The following ASTN1 variants were observed in gnomAD, a reference collection of about 807,000 sequenced individuals.
ASTN1 encodes astrotactin-1.
In ASTN1, 41 loss-of-function variants were observed where a neutral mutation model predicts 140.7. The observed-to-expected ratio is 0.29, with a 90% CI of 0.23 to 0.38. The LOEUF (loss-of-function observed/expected upper bound fraction) is 0.38. Among genes scored for constraint, ASTN1 ranks in the 10% least tolerant of loss-of-function variants. The pLI is 1.00. For synonymous variants in ASTN1, 640 were observed against 652.2 expected (o/e 0.98, Z 0.29); for missense variants, 1,479 against 1,678.8 (o/e 0.88, Z 2.08).
chr1:177,143,371 C>T (rs1484847212), intron 1 of ASTN1, among the ~76,000 whole-genome samples: 1 of 152,160 alleles, frequency 6.6e-6, no homozygotes, highest in Non-Finnish European at 1.5e-5. Context: ...ATAGGGAAGT[C>T]AGATTTGCTA....
At chr1:177,004,714 C>G (rs1674909810) in intron 8 of ASTN1, among the ~76,000 whole-genome samples, 1 of 151,976 alleles carries the variant, frequency 6.6e-6, no homozygotes, top group African/African-American at 2.4e-5. Flanking sequence ...CACACAAAAA[C>G]AAAAACCAAG....
intron 22 of ASTN1, among the ~76,000 whole-genome samples, chr1:176,865,153 GA>G (rs1402957858): frequency 6.6e-6 from 1 of 152,164 alleles, no homozygotes; most frequent in Non-Finnish European, 1.5e-5. Flanking sequence ...ACCTCCCTCA[GA>G]AAGTCAGGAG....
chr1:177,003,500 T>G (rs570709525), intron 8 of ASTN1, among the ~76,000 whole-genome samples: 1 of 151,978 alleles, frequency 6.6e-6, no homozygotes, highest in African/African-American at 2.4e-5. Flanking sequence ...CTCAAAATAA[T>G]AAAAGCCATA....
chr1:176,943,867 A>G, intron 14 of ASTN1, 24 bp downstream of exon 14: 1 of 1,562,640 alleles, frequency 6.4e-7, no homozygotes, highest in East Asian at 2.3e-5. Context: ...TGCCAGTTGA[A>G]TAAGGTTGAG....
chr1:177,082,267 T>A (rs1246024123), intron 1 of ASTN1, among the ~76,000 whole-genome samples: 2 of 152,144 alleles, frequency 1.3e-5, no homozygotes, highest in Non-Finnish European at 2.9e-5. Context: ...CCCAGGATGA[T>A]AGCAGGGACA....
intron 1 of ASTN1, among the ~76,000 whole-genome samples, chr1:177,073,287 G>A (rs774784984): frequency 2.0e-5 from 3 of 151,950 alleles, no homozygotes; most frequent in Non-Finnish European, 4.4e-5. Flanking sequence ...TTCATAAACT[G>A]TTTAGTATTT....
At position 176,957,664 on chromosome 1, in the gene ASTN1, C is replaced by T. The variant is rs1355106475; in HGVS notation, c.1887+14G>A. 8.7e-6 allele frequency: 14 copies of T among 1,613,038 alleles called. No homozygotes were observed. The highest frequency in any genetic ancestry group is 1.1e-5 in the South Asian group (1 of 90,950). ...TCCTCAAACAGAAACTACTAGCTTG[C>T]AGGGCAGACCTACCACGCAACCAGT... On this transcript the variant is annotated intron_variant, in intron 11 of 22. Transcript: ENST00000361833.
chr1:176,897,961 C>A (rs1007016789), intron 16 of ASTN1, among the ~76,000 whole-genome samples: 2 of 152,126 alleles, frequency 1.3e-5, no homozygotes, highest in Admixed American at 6.5e-5. Flanking sequence ...ATGACAAATG[C>A]GGCCACTAGA....
At chr1:176,953,028 G>T (rs1340065820) in intron 11 of ASTN1, among the ~76,000 whole-genome samples, 1 of 152,138 alleles carries the variant, frequency 6.6e-6, no homozygotes, top group East Asian at 1.9e-4. Flanking sequence ...AAATACACAA[G>T]GTTAATCACC....
At chr1:176,976,598 T>G (rs1323024275) in intron 8 of ASTN1, 4 of 152,266 alleles carry the variant, frequency 2.6e-5, no homozygotes, top group African/African-American at 4.8e-5. Flanking sequence ...CTTGCTAACT[T>G]CATGCAACTG....
At chr1:176,857,652 T>A (rs1250289918), downstream of ASTN1, 1 of 614,740 alleles carries the variant, frequency 1.6e-6, no homozygotes. Context: ...GCTGGAAGCC[T>A]GTTGACAAAG....
At position 176,862,690 on chromosome 1, in the gene ASTN1, C is replaced by G. The variant is rs192691215; in HGVS notation, c.*1594G>C. 11 of 907,328 alleles carry G rather than the reference C, an allele frequency of 1.2e-5. No homozygotes were observed. The Admixed American group carries it at 6.8e-4, about 56-fold the overall frequency. The allele number at this position is 907,328 out of a possible 1,614,324, so 56.2% of individuals were successfully genotyped here. On this transcript the variant is annotated 3_prime_UTR_variant, in exon 23 of 23. Coordinates refer to ENST00000361833, the MANE Select transcript of ASTN1 (RefSeq NM_004319.3). ...CAAGTTGTATAACCTCTCTTTGCCT[C>G]GTTTTCCTCAACACTAAAATGGAGA...
At chr1:177,084,024 T>C (rs1376008316) in intron 1 of ASTN1, among the ~76,000 whole-genome samples, 2 of 152,346 alleles carry the variant, frequency 1.3e-5, no homozygotes, top group East Asian at 1.9e-4. Context: ...TCTGGCATTG[T>C]CTTCTGTGGA....
chr1:176,964,792 CTG>C (rs2101849393), intron 9 of ASTN1, among the ~76,000 whole-genome samples: 1 of 152,318 alleles, frequency 6.6e-6, no homozygotes, highest in East Asian at 1.9e-4. Context: ...ATTGCCTACT[CTG>C]TGCCAGTTTC....
chr1:177,064,115 A>G (rs1287841627), intron 1 of ASTN1, among the ~76,000 whole-genome samples: 2 of 152,202 alleles, frequency 1.3e-5, no homozygotes, highest in Non-Finnish European at 2.9e-5. Flanking sequence ...CTGACACAGA[A>G]CAAAGGCTGA....
chr1:176,949,822 G>C (rs1031951912), intron 11 of ASTN1, among the ~76,000 whole-genome samples: 3 of 152,170 alleles, frequency 2.0e-5, no homozygotes, highest in Non-Finnish European at 2.9e-5. Flanking sequence ...AGCAGTGTTG[G>C]GGGGAATGGA....
intron 1 of ASTN1, among the ~76,000 whole-genome samples, chr1:177,113,149 A>G (rs181762369): frequency 6.6e-6 from 1 of 152,204 alleles, no homozygotes; most frequent in East Asian, 1.9e-4. Flanking sequence ...ATGAACTCAC[A>G]TGGAGTTCAG....
chr1:177,037,026 G>A (rs1018131534), intron 2 of ASTN1, among the ~76,000 whole-genome samples: 1 of 151,994 alleles, frequency 6.6e-6, no homozygotes, highest in Admixed American at 6.6e-5. Context: ...GACCATGTCG[G>A]GGAGGCTGGT....
intron 1 of ASTN1, among the ~76,000 whole-genome samples, chr1:177,128,229 C>T (rs1366389826): frequency 6.6e-6 from 1 of 152,086 alleles, no homozygotes. Flanking sequence ...TTCTTTTTCT[C>T]ACAAGCCTTT....
Sources: gnomAD v4.1 joint callset for allele counts (sites outside exome capture counted in the v4.1 genomes callset) on GRCh38, gnomAD v4.1.1 for gene constraint, MANE v1.5 for transcripts, NCBI Gene and HGNC (gene_info 2026-07-23, HGNC 2026-07-21) for gene names.